The following RELN variants were observed in gnomAD, a reference collection of about 807,000 sequenced individuals.
RELN encodes the protein reelin.
RELN carries 108 observed loss-of-function variants against 427.6 expected under a neutral mutation model. The ratio of observed to expected loss-of-function variants is 0.25; its 90% CI spans 0.22 to 0.30. The LOEUF is 0.30. RELN is among the 10% of genes least tolerant of loss of function. The pLI is 1.00. For synonymous variants in RELN, 1,524 were observed against 1,513.4 expected (o/e 1.01, Z -0.16); for missense variants, 3,715 against 4,302.8 (o/e 0.86, Z 3.82).
At chr7:103,858,798 A>G (rs992925941) in intron 2 of RELN, among the ~76,000 whole-genome samples, 3 of 152,182 alleles carry the variant, frequency 2.0e-5, no homozygotes, top group Non-Finnish European at 4.4e-5. Context: ...ATTATAGCAA[A>G]TGTGGACAAT....
chr7:103,982,081 G>A (rs915566035), intron 1 of RELN, among the ~76,000 whole-genome samples: 25 of 152,094 alleles, frequency 1.6e-4, no homozygotes, highest in African/African-American at 5.3e-4. Context: ...CACGAGAATC[G>A]CCTGAACCCA....
chr7:103,830,051 C>T (rs949885086), intron 3 of RELN, among the ~76,000 whole-genome samples: 6 of 115,158 alleles, frequency 5.2e-5, no homozygotes, highest in East Asian at 4.6e-4. Context: ...AGTTGTAAGA[C>T]GTTAAAAAAT....
intron 2 of RELN, among the ~76,000 whole-genome samples, chr7:103,872,876 CTGTTCA>C (rs985269465): frequency 2.4e-4 from 37 of 151,042 alleles, no homozygotes; most frequent in African/African-American, 8.5e-4. Context: ...TGAGAAGTGT[CTGTTCA>C]TGTCCTTCGC....
chr7:103,649,169 A>C (rs1405909724), intron 16 of RELN, among the ~76,000 whole-genome samples: 1 of 152,084 alleles, frequency 6.6e-6, no homozygotes, highest in Non-Finnish European at 1.5e-5. Context: ...ATAATAGTAA[A>C]GTCATGGAAT....
chr7:103,617,697 CCTGTTAATTA>C (rs1832115581), intron 20 of RELN, among the ~76,000 whole-genome samples: 1 of 151,230 alleles, frequency 6.6e-6, no homozygotes. Flanking sequence ...CTAAATCTTG[CCTGTTAATTA>C]CTGCTATAGT....
At chr7:103,521,114 C>G (rs1311686310) in intron 48 of RELN, among the ~76,000 whole-genome samples, 2 of 150,214 alleles carry the variant, frequency 1.3e-5, no homozygotes, top group Non-Finnish European at 3.0e-5. Context: ...GTAGCTGGGA[C>G]TACAGGCGCC....
intron 58 of RELN, 115 bp downstream of exon 58, chr7:103,491,838 T>C: frequency 1.7e-6 from 1 of 603,636 alleles, no homozygotes; most frequent in South Asian, 1.6e-5. Flanking sequence ...TCTCTCTCTC[T>C]CTCTCTCTCT....
At chr7:103,553,369 A>G in intron 40 of RELN, 92 bp downstream of exon 40, 1 of 945,790 alleles carries the variant, frequency 1.1e-6, no homozygotes, top group Non-Finnish European at 1.7e-6. Context: ...GGGAGGTCAT[A>G]ATGCATGAAA....
At chr7:103,811,905 T>C (rs1010753801) in intron 3 of RELN, among the ~76,000 whole-genome samples, 2 of 152,194 alleles carry the variant, frequency 1.3e-5, no homozygotes, top group Non-Finnish European at 2.9e-5. Flanking sequence ...TATGAATCTA[T>C]CCAATGAATG....
intron 49 of RELN, among the ~76,000 whole-genome samples, chr7:103,515,667 C>T (rs1389892476): frequency 6.6e-6 from 1 of 152,142 alleles, no homozygotes; most frequent in Non-Finnish European, 1.5e-5. Flanking sequence ...TCAAGTATCC[C>T]AGAACTCCCA....
chr7:103,681,138 A>G (rs925229791), intron 11 of RELN, among the ~76,000 whole-genome samples: 5 of 152,306 alleles, frequency 3.3e-5, no homozygotes, highest in African/African-American at 1.2e-4. Flanking sequence ...ACAAGCTAAA[A>G]AAGAGGGGCC....
At chr7:103,907,103 T>G (rs549201894) in intron 2 of RELN, among the ~76,000 whole-genome samples, 5 of 151,978 alleles carry the variant, frequency 3.3e-5, no homozygotes, top group Admixed American at 6.6e-5. Flanking sequence ...AGGATAAACC[T>G]TGAAAACATA....
chr7:103,519,568 A>T, intron 48 of RELN, 52 bp from the exon 49 acceptor site: 1 of 1,350,518 alleles, frequency 7.4e-7, no homozygotes, highest in Non-Finnish European at 1.0e-6. Flanking sequence ...TCGATTGCAG[A>T]TTATAGATTT....
intron 24 of RELN, among the ~76,000 whole-genome samples, chr7:103,599,899 T>C (rs1239733174): frequency 1.3e-5 from 2 of 152,078 alleles, no homozygotes; most frequent in Non-Finnish European, 2.9e-5. Flanking sequence ...TGTATGCATG[T>C]ATTATTTATT....
chr7:103,489,611 G>A, intron 60 of RELN, 131 bp downstream of exon 60: 1 of 1,014,596 alleles, frequency 9.9e-7, no homozygotes, highest in East Asian at 2.6e-5. Flanking sequence ...AGTGACCAAG[G>A]AGTGTGTCAT....
chr7:103,733,798 G>A (rs898382940), intron 6 of RELN, among the ~76,000 whole-genome samples: 3 of 151,086 alleles, frequency 2.0e-5, no homozygotes, highest in Admixed American at 6.6e-5. Flanking sequence ...TGTGGGGTGG[G>A]GGGAGTGGGG....
At chr7:103,778,231 G>A (rs533013696) in intron 3 of RELN, among the ~76,000 whole-genome samples, 2 of 152,210 alleles carry the variant, frequency 1.3e-5, no homozygotes, top group South Asian at 2.1e-4. Flanking sequence ...AGGGAACACC[G>A]TAACTTTTTT....
chr7:103,722,960 C>T (rs1790114803), intron 8 of RELN, among the ~76,000 whole-genome samples, 180 bp downstream of exon 8: 1 of 152,108 alleles, frequency 6.6e-6, no homozygotes, highest in Non-Finnish European at 1.5e-5. Context: ...GAAGTGAGAA[C>T]AGAATGTAAC....
chr7:103,577,466 T>C (rs1373543705), intron 28 of RELN, among the ~76,000 whole-genome samples: 7 of 152,110 alleles, frequency 4.6e-5, no homozygotes, highest in African/African-American at 1.2e-4. Context: ...TACAAATGTA[T>C]TTCCTTTGCA....
Sources: gnomAD v4.1 joint callset for allele counts (sites outside exome capture counted in the v4.1 genomes callset) on GRCh38, gnomAD v4.1.1 for gene constraint, MANE v1.5 for transcripts, NCBI Gene and HGNC (gene_info 2026-07-23, HGNC 2026-07-21) for gene names.